PPP4R3B: variants seen among roughly 807,000 people sequenced by gnomAD.
PPP4R3B encodes protein phosphatase 4 regulatory subunit 3B.
In PPP4R3B, 52 loss-of-function variants were observed where a neutral mutation model predicts 95.4. That is an observed-to-expected ratio of 0.54 (90% confidence interval 0.44 to 0.69). The LOEUF (loss-of-function observed/expected upper bound fraction) is 0.69, where lower values mean the gene tolerates loss of function less well. Ranked by LOEUF, PPP4R3B falls within the 30% of genes least tolerant of loss-of-function variation. The pLI is 0.00. For synonymous variants in PPP4R3B, 407 were observed against 343.9 expected (o/e 1.18, Z -2.03); for missense variants, 1,003 against 1,005.9 (o/e 1.00, Z 0.04).
intron 4 of PPP4R3B, among the ~76,000 whole-genome samples, chr2:55,593,910 C>T (rs1298407325): frequency 4.6e-5 from 7 of 152,096 alleles, no homozygotes. Context: ...TGGAACCCAC[C>T]TAAGTGTCTA....
intron 8 of PPP4R3B, 33 bp downstream of exon 8, chr2:55,581,534 C>A: frequency 1.3e-6 from 2 of 1,596,106 alleles, no homozygotes; most frequent in Admixed American, 1.8e-5. Context: ...ACTGACTAGG[C>A]CAAAACATTT....
chr2:55,597,933 C>A lies in PPP4R3B; in HGVS notation c.921+483G>T, dbSNP rs1692027079. The stretch of plus-strand genomic sequence containing the variant: ...ACAGGCTACTTAAAAATATAAAAGG[C>A]TGGGCTGGGCGCGGTGGCTCACGCC... On this transcript the variant is annotated intron_variant, in intron 4 of 16. Transcript: ENST00000616407. 4.0e-5 allele frequency among the ~76,000 whole-genome samples: 6 copies of A among 151,884 alleles called. No homozygotes were observed. In the South Asian group the frequency reaches 1.2e-3, roughly 31 times the overall value.
chr2:55,613,291 C>T (rs537767110), intron 2 of PPP4R3B, among the ~76,000 whole-genome samples: 2 of 151,640 alleles, frequency 1.3e-5, no homozygotes, highest in South Asian at 4.2e-4. Context: ...TTTCACTCTT[C>T]TTCAGTGTTT....
At chr2:55,584,414 T>C (rs1182503846) in intron 7 of PPP4R3B, among the ~76,000 whole-genome samples, 8 of 152,316 alleles carry the variant, frequency 5.3e-5, no homozygotes, top group Non-Finnish European at 8.8e-5. Flanking sequence ...AGTTCTTTGC[T>C]GGTGATTTGT....
At chr2:55,609,708 T>C (rs1198149699) in intron 2 of PPP4R3B, among the ~76,000 whole-genome samples, 1 of 151,442 alleles carries the variant, frequency 6.6e-6, no homozygotes, top group African/African-American at 2.4e-5. Flanking sequence ...ACTCTTTCCA[T>C]TTATTTTACT....
intron 2 of PPP4R3B, among the ~76,000 whole-genome samples, chr2:55,611,774 C>A (rs377127414): frequency 2.4e-4 from 37 of 152,202 alleles, no homozygotes; most frequent in African/African-American, 8.4e-4. Context: ...TGTCTCTCCA[C>A]CTGGAGTGCA....
chr2:55,566,436 G>A (rs896708806), intron 13 of PPP4R3B, among the ~76,000 whole-genome samples: 13 of 152,116 alleles, frequency 8.5e-5, no homozygotes, highest in African/African-American at 3.1e-4. Context: ...AATTTTAAAG[G>A]AGAATAATAT....
intron 3 of PPP4R3B, among the ~76,000 whole-genome samples, chr2:55,602,277 A>T (rs992453194): frequency 6.6e-6 from 1 of 152,208 alleles, no homozygotes; most frequent in Non-Finnish European, 1.5e-5. Flanking sequence ...CCTACGCTAA[A>T]TGTAGATGCT....
intron 4 of PPP4R3B, among the ~76,000 whole-genome samples, chr2:55,596,083 G>A (rs1300884811): frequency 3.3e-5 from 5 of 151,806 alleles, no homozygotes; most frequent in African/African-American, 1.2e-4. Context: ...CCTTCATATA[G>A]CAAATAGCCA....
In PPP4R3B at chr2:55,581,692, G is replaced by T. The variant is rs754328408; in HGVS notation, c.1240C>A (p.Leu414Ile). 1 of 1,611,334 alleles carries T rather than the reference G, an allele frequency of 6.2e-7. No homozygotes were observed. The highest frequency in any genetic ancestry group is 1.1e-5 in the South Asian group (1 of 90,638). ...QEAQQSDDDI[L>I]LINVVIEQMI... is the part of the protein sequence containing the mutation. ...TGTTCAATTACCACATTAATAAGAA[G>T]AATATCCTGGTGGCAAAACAAAACA... Residue 414 changes from leucine (L) to isoleucine (I), a missense_variant, in exon 8 of 17, where the codon CTT becomes ATT. Physicochemically the swap from Leu to Ile is conservative, Grantham distance 5. Around this residue, in one of 3 missense-constraint regions of PPP4R3B, gnomAD observed 695 missense variants for 686.2 expected, o/e 1.01. Coordinates refer to ENST00000616407, the MANE Select transcript of PPP4R3B (RefSeq NM_001122964.3).
At chr2:55,596,356 AT>A (rs200600350) in intron 4 of PPP4R3B, among the ~76,000 whole-genome samples, 2 of 149,082 alleles carry the variant, frequency 1.3e-5, no homozygotes, top group African/African-American at 5.0e-5. Context: ...GAAAAAAAAA[AT>A]CAGATTCAAC....
intron 16 of PPP4R3B, among the ~76,000 whole-genome samples, chr2:55,550,404 T>A (rs1234254182): frequency 6.6e-6 from 1 of 152,226 alleles, no homozygotes; most frequent in Non-Finnish European, 1.5e-5. Context: ...TCTTTGTTCA[T>A]CTTGTGTATA....
chr2:55,595,888 T>C (rs1321093325), intron 4 of PPP4R3B, among the ~76,000 whole-genome samples: 4 of 152,130 alleles, frequency 2.6e-5, no homozygotes, highest in Non-Finnish European at 5.9e-5. Context: ...AGCTGCTCAA[T>C]AAACTTAGTG....
intron 2 of PPP4R3B, chr2:55,614,229 T>A (rs747125154): frequency 6.6e-6 from 1 of 152,162 alleles, no homozygotes; most frequent in African/African-American, 2.4e-5. Flanking sequence ...TTTCTGGGCA[T>A]CCAAATTTTC....
At chr2:55,615,624 G>A (rs934316516) in intron 1 of PPP4R3B, 118 bp from the exon 2 acceptor site, 7 of 620,484 alleles carry the variant, frequency 1.1e-5, no homozygotes. Context: ...CACTTTGGGA[G>A]GCGGGCAGAT....
At chr2:55,552,284 G>A (rs1445500837) in intron 16 of PPP4R3B, among the ~76,000 whole-genome samples, 2 of 151,870 alleles carry the variant, frequency 1.3e-5, no homozygotes, top group African/African-American at 4.8e-5. Context: ...TTTTAAAATA[G>A]CAGATTGAAA....
chr2:55,568,423 G>C (rs1687575149), intron 12 of PPP4R3B, 60 bp from the exon 13 acceptor site: 12 of 1,373,966 alleles, frequency 8.7e-6, no homozygotes, highest in Non-Finnish European at 1.1e-5. Context: ...TTATTATACA[G>C]GTGTTTTTCC....
intron 16 of PPP4R3B, among the ~76,000 whole-genome samples, chr2:55,551,464 T>C (rs577453383): frequency 5.4e-4 from 82 of 152,248 alleles, no homozygotes; most frequent in Non-Finnish European, 9.3e-4. Flanking sequence ...GAAATTTAAA[T>C]TGATGGCCAG....
chr2:55,561,480 C>A (rs1221652655), intron 15 of PPP4R3B, among the ~76,000 whole-genome samples: 1 of 152,198 alleles, frequency 6.6e-6, no homozygotes, highest in Non-Finnish European at 1.5e-5. Context: ...AACAGTAGAT[C>A]TACCAACAGC....
Sources: gnomAD v4.1 joint callset for allele counts (sites outside exome capture counted in the v4.1 genomes callset) on GRCh38, gnomAD v4.1.1 for gene constraint, gnomAD v4.1.1 regional missense constraint, MANE v1.5 for transcripts, NCBI Gene and HGNC (gene_info 2026-07-23, HGNC 2026-07-21) for gene names.